Variants in FGF9 observed in about 807,000 individuals in gnomAD.
The protein encoded by FGF9 is fibroblast growth factor 9, also known as fibroblast growth factor 9 (glia-activating factor).
In FGF9, 3 loss-of-function variants were observed where a neutral mutation model predicts 19.9. That is an observed-to-expected ratio of 0.15 (90% confidence interval 0.07 to 0.39). The LOEUF (loss-of-function observed/expected upper bound fraction) is 0.39, where lower values mean the gene tolerates loss of function less well. FGF9 is among the 10% of genes least tolerant of loss of function. FGF9 has a pLI of 1.00. For missense variants in FGF9, 175 were observed against 256.8 expected, an observed-to-expected ratio of 0.68 and a Z score of 2.18; for synonymous variants, 107 against 106.9, an observed-to-expected ratio of 1.00 and a Z score of -0.01.
intron 2 of FGF9, among the ~76,000 whole-genome samples, chr13:21,683,374 G>A (rs1872087139): frequency 6.6e-6 from 1 of 152,112 alleles, no homozygotes; most frequent in African/African-American, 2.4e-5. Flanking sequence ...CCCACGGAGT[G>A]CCAGTGACAA....
Position 21,701,709 on chromosome 13 carries a change from ATGTGTGTG to A in FGF9, c.*298_*305del, listed in dbSNP as rs61706549. ...GAGACTGAGCGCTAGGAGTGTGTGTATGTGTGTGTGTGTGTGTGTGTGTGTGTGTGTAT... is the reference window on the plus strand; with the variant it reads ...GAGACTGAGCGCTAGGAGTGTGTGTATGTGTGTGTGTGTGTGTGTGTGTAT... On this transcript the variant is annotated 3_prime_UTR_variant, in exon 3 of 3. Transcript: ENST00000382353. 9 of 357,734 alleles carry A rather than the reference ATGTGTGTG, an allele frequency of 2.5e-5. No homozygotes were observed. The highest frequency in any genetic ancestry group is 8.9e-5 in the African/African-American group (4 of 44,998). The allele number at this position is 357,734 out of a possible 1,614,324, so 22.2% of individuals were successfully genotyped here.
chr13:21,685,643 C>A (rs1163513234), intron 2 of FGF9, among the ~76,000 whole-genome samples: 1 of 152,158 alleles, frequency 6.6e-6, no homozygotes, highest in African/African-American at 2.4e-5. Context: ...TTTGACTCAT[C>A]CAGCACTGTG....
At chr13:21,674,707 A>ATT (rs528643891) in intron 1 of FGF9, among the ~76,000 whole-genome samples, 89 of 142,160 alleles carry the variant, frequency 6.3e-4, no homozygotes, top group Admixed American at 1.5e-3. Flanking sequence ...CTCCATGAGC[A>ATT]TTTTTTTTTT....
chr13:21,695,052 A>G (rs966583799), intron 2 of FGF9, among the ~76,000 whole-genome samples: 2 of 151,342 alleles, frequency 1.3e-5, no homozygotes, highest in African/African-American at 4.9e-5. Context: ...GTGAGCATGC[A>G]GCACTGAAGA....
intron 2 of FGF9, among the ~76,000 whole-genome samples, chr13:21,687,266 C>A (rs1359105256): frequency 1.3e-5 from 2 of 152,146 alleles, no homozygotes; most frequent in Non-Finnish European, 2.9e-5. Flanking sequence ...CCCTGTAGGT[C>A]CCTCTGTCCC....
rs1043236086 is a variant in FGF9, at chr13:21,703,949, A to G, written c.*2514A>G. 2 of 151,932 alleles carry G rather than the reference A, an allele frequency of 1.3e-5. No individual in the cohort carries two copies. The highest frequency in any genetic ancestry group is 2.4e-5 in the African/African-American group (1 of 41,314). 9.4% of individuals were successfully genotyped at this position (151,932 alleles called of 1,614,324 possible). On this transcript the variant is annotated 3_prime_UTR_variant, in exon 3 of 3. Transcript: ENST00000382353. ...TTGGCAATTGATACAATAAACTGTAATGGTCTGTAAATAAATAAATATTGA... is the reference window on the plus strand; with the variant it reads ...TTGGCAATTGATACAATAAACTGTAGTGGTCTGTAAATAAATAAATATTGA...
At chr13:21,697,270 T>C (rs895531155) in intron 2 of FGF9, among the ~76,000 whole-genome samples, 1 of 152,194 alleles carries the variant, frequency 6.6e-6, no homozygotes, top group African/African-American at 2.4e-5. Context: ...TGCCTCAGCC[T>C]CCTGTGTAGC....
intron 2 of FGF9, among the ~76,000 whole-genome samples, chr13:21,692,532 G>A (rs185721204): frequency 4.6e-5 from 7 of 152,278 alleles, no homozygotes; most frequent in South Asian, 4.2e-4. Context: ...TGCAGCCATG[G>A]GCCGTCTTCT....
At chr13:21,675,197 G>A (rs1871882752) in intron 1 of FGF9, among the ~76,000 whole-genome samples, 1 of 152,108 alleles carries the variant, frequency 6.6e-6, no homozygotes, top group African/African-American at 2.4e-5. Context: ...CACTCTGGCT[G>A]GGATGGAGTT....
At chr13:21,673,721 CCGGGGCCGCGGCGGCCACCCGCAGGGTGT>C (rs1328546168) in intron 1 of FGF9, among the ~76,000 whole-genome samples, 6 of 151,606 alleles carry the variant, frequency 4.0e-5, no homozygotes, top group African/African-American at 4.8e-5. Context: ...GCGAGCGTGT[CCGGGGCCGCGGCGGCCACCCGCAGGGTGT>C]CGGGGCCGCG....
intron 2 of FGF9, among the ~76,000 whole-genome samples, chr13:21,686,028 T>C (rs1033693881): frequency 6.6e-6 from 1 of 152,246 alleles, no homozygotes; most frequent in Admixed American, 6.5e-5. Flanking sequence ...TTTAGAGTCT[T>C]AATCTAAACT....
At chr13:21,673,803 A>C (rs539140542) in intron 1 of FGF9, among the ~76,000 whole-genome samples, 1 of 150,826 alleles carries the variant, frequency 6.6e-6, no homozygotes, top group Non-Finnish European at 1.5e-5. Flanking sequence ...TAGGTGTGCC[A>C]GGCGGCCGGA....
chr13:21,698,723 A>G (rs879592705), intron 2 of FGF9, among the ~76,000 whole-genome samples: 3 of 152,200 alleles, frequency 2.0e-5, no homozygotes, highest in Non-Finnish European at 4.4e-5. Context: ...TCATGGCTCA[A>G]AAAGGAGGAG....
chr13:21,676,062 A>C (rs896106781), intron 1 of FGF9, among the ~76,000 whole-genome samples: 5 of 152,012 alleles, frequency 3.3e-5, no homozygotes, highest in Non-Finnish European at 7.4e-5. Flanking sequence ...CTATATGCCT[A>C]TATATAGAGC....
chr13:21,699,754 A>C (rs1872495099), intron 2 of FGF9, among the ~76,000 whole-genome samples: 1 of 152,238 alleles, frequency 6.6e-6, no homozygotes, highest in Non-Finnish European at 1.5e-5. Flanking sequence ...CCTGGGTCTG[A>C]ATGACAGAAA....
intron 1 of FGF9, among the ~76,000 whole-genome samples, chr13:21,676,563 C>T (rs1243842888): frequency 6.6e-6 from 1 of 152,224 alleles, no homozygotes. Context: ...CAGGTTGCTA[C>T]AGATCCGAAC....
At chr13:21,686,188 C>T (rs2138138077) in intron 2 of FGF9, among the ~76,000 whole-genome samples, 1 of 152,292 alleles carries the variant, frequency 6.6e-6, no homozygotes. Context: ...GCCACCAAGC[C>T]TGGCTAATTT....
intron 2 of FGF9, among the ~76,000 whole-genome samples, chr13:21,687,962 TA>T (rs1270691781): frequency 6.6e-6 from 1 of 152,162 alleles, no homozygotes; most frequent in Non-Finnish European, 1.5e-5. Context: ...CCCCGCAGAT[TA>T]TGCCCTTTGC....
chr13:21,673,843 A>C (rs1246241820), intron 1 of FGF9, among the ~76,000 whole-genome samples: 1 of 150,584 alleles, frequency 6.6e-6, no homozygotes, highest in Non-Finnish European at 1.5e-5. Flanking sequence ...CGCGGTCGGC[A>C]GGTGCCCGCT....
Sources: gnomAD v4.1 joint callset for allele counts (sites outside exome capture counted in the v4.1 genomes callset) on GRCh38, gnomAD v4.1.1 for gene constraint, MANE v1.5 for transcripts, NCBI Gene and HGNC (gene_info 2026-07-23, HGNC 2026-07-21) for gene names.